Variants in FOXP1 observed in about 807,000 individuals in gnomAD.
FOXP1 encodes the protein forkhead box P1.
A neutral mutation model predicts 98.2 loss-of-function variants in FOXP1; 15 were observed. That is an observed-to-expected ratio of 0.15 (90% CI 0.10 to 0.24). The LOEUF (loss-of-function observed/expected upper bound fraction) is 0.24, where lower values mean the gene tolerates loss of function less well. Ranked by LOEUF, FOXP1 falls within the 10% of genes least tolerant of loss-of-function variation. The pLI is 1.00. For missense variants in FOXP1, 633 were observed against 848.5 expected, an observed-to-expected ratio of 0.75 and a Z score of 3.15; for synonymous variants, 371 against 314.5, an observed-to-expected ratio of 1.18 and a Z score of -1.90.
At position 70,966,001 on chromosome 3, in the gene FOXP1, G is replaced by C; in HGVS notation, c.1778C>G (p.Pro593Arg). ...TGCGCTGGCTAAGTTGCCCAGAGTGGGATTTCCCATGGAAGCGGTAGTGTA... is the reference window on the plus strand; with the variant it reads ...TGCGCTGGCTAAGTTGCCCAGAGTGCGATTTCCCATGGAAGCGGTAGTGTA... ...PLYTTASMGN[P>R]TLGNLASAIR... The change falls in exon 20 of 21, where the codon CCC becomes CGC. Residue 593 changes from proline to arginine, a missense_variant. Pro to Arg is a moderately radical substitution (Grantham distance 103). Around this residue, in one of 6 missense-constraint regions of FOXP1, gnomAD observed 150 missense variants for 163.7 expected, o/e 0.92. Coordinates refer to ENST00000649528, the MANE Select transcript of FOXP1 (RefSeq NM_001349338.3). 3 of 1,614,100 alleles carry C rather than the reference G, an allele frequency of 1.9e-6. No homozygotes were observed. Among genetic ancestry groups the C allele is most frequent in the Non-Finnish European group, 2.5e-6 (3 of 1,180,010 alleles).
intron 3 of FOXP1, chr3:71,360,606 A>G (rs1242954356): frequency 1.3e-5 from 2 of 152,118 alleles, no homozygotes; most frequent in Admixed American, 6.6e-5. Flanking sequence ...TTCTGCATAG[A>G]TCCTTGAGAT....
chr3:71,168,223 T>G (rs553606259), intron 6 of FOXP1, among the ~76,000 whole-genome samples: 8 of 152,240 alleles, frequency 5.3e-5, no homozygotes, highest in African/African-American at 1.9e-4. Flanking sequence ...CCACATACAG[T>G]TTATTATAGA....
chr3:71,173,617 TG>T (rs975215978), intron 6 of FOXP1, among the ~76,000 whole-genome samples: 2 of 151,766 alleles, frequency 1.3e-5, no homozygotes, highest in African/African-American at 2.4e-5. Context: ...AAAGTGAGGG[TG>T]GGGGTGTGGG....
chr3:71,265,242 G>A (rs188081064), intron 5 of FOXP1, among the ~76,000 whole-genome samples: 15 of 152,268 alleles, frequency 9.9e-5, no homozygotes, highest in South Asian at 2.1e-4. Flanking sequence ...ACTGAGCCCC[G>A]TGTTAGCGTT....
intron 7 of FOXP1, among the ~76,000 whole-genome samples, chr3:71,105,621 T>G (rs1228894191): frequency 6.6e-6 from 1 of 152,168 alleles, no homozygotes; most frequent in African/African-American, 2.4e-5. Flanking sequence ...CCTCTCCACC[T>G]CCTAGCCCCA....
In FOXP1 at chr3:71,583,681, C is replaced by G. The variant is rs1039579270; in HGVS notation, c.-557G>C. The G allele has an allele frequency of 6.1e-6, 6 of 984,514 alleles. No individual in the cohort carries two copies. The highest frequency in any genetic ancestry group is 4.7e-5 in the South Asian group (1 of 21,262). The allele number at this position is 984,514 out of a possible 1,614,324, so 61.0% of individuals were successfully genotyped here. A position where few individuals can be genotyped will look rare whatever the true frequency, so the allele number is the denominator to read the frequency against. Reference sequence around the variant, plus strand: ...GCGCACACACTCACTCGCGCACACACGCGCGCACACACGCACTCCCGGGCG... The same window carrying G: ...GCGCACACACTCACTCGCGCACACAGGCGCGCACACACGCACTCCCGGGCG... On this transcript the variant is annotated 5_prime_UTR_variant, in exon 1 of 21. Coordinates refer to ENST00000649528, the MANE Select transcript of FOXP1 (RefSeq NM_001349338.3).
chr3:71,116,244 A>G (rs1575793938), intron 6 of FOXP1, among the ~76,000 whole-genome samples: 2 of 152,142 alleles, frequency 1.3e-5, no homozygotes, highest in African/African-American at 4.8e-5. Context: ...CAGACCCAAC[A>G]TAGGGTACAT....
At chr3:70,978,768 A>AAC (rs1459298301) in intron 14 of FOXP1, among the ~76,000 whole-genome samples, 1 of 152,186 alleles carries the variant, frequency 6.6e-6, no homozygotes, top group African/African-American at 2.4e-5. Context: ...AATAATCCTT[A>AAC]ACAGCATTAT....
At chr3:71,545,579 A>C (rs1482069684) in intron 2 of FOXP1, among the ~76,000 whole-genome samples, 1 of 152,192 alleles carries the variant, frequency 6.6e-6, no homozygotes, top group Non-Finnish European at 1.5e-5. Context: ...CTAGAACATT[A>C]TATGCTCCTT....
intron 5 of FOXP1, among the ~76,000 whole-genome samples, chr3:71,223,693 CAAAAAAAAAAA>C (rs34686001): frequency 1.2e-4 from 11 of 90,122 alleles, no homozygotes; most frequent in African/African-American, 3.9e-4. Context: ...GACTACGTCT[CAAAAAAAAAAA>C]AAAAAAAAGA....
chr3:70,980,371 G>C (rs771851693), intron 14 of FOXP1, among the ~76,000 whole-genome samples: 1 of 152,154 alleles, frequency 6.6e-6, no homozygotes, highest in Non-Finnish European at 1.5e-5. Flanking sequence ...ATCTCAGAGC[G>C]CTTTGGAAAG....
chr3:71,033,702 A>ACC (rs1174856341), intron 11 of FOXP1, among the ~76,000 whole-genome samples: 3 of 151,972 alleles, frequency 2.0e-5, no homozygotes, highest in African/African-American at 4.8e-5. Flanking sequence ...TGCATGTGTG[A>ACC]ATGACAGGCG....
At chr3:70,960,374 G>A (rs774481989) in intron 20 of FOXP1, among the ~76,000 whole-genome samples, 3 of 152,136 alleles carry the variant, frequency 2.0e-5, no homozygotes, top group East Asian at 1.9e-4. Context: ...GCGTGGTTGC[G>A]ATGAGGTCTG....
At chr3:71,492,348 A>T (rs55863231) in intron 3 of FOXP1, among the ~76,000 whole-genome samples, 40,390 of 151,582 alleles carry the variant, frequency 0.27, 5,823 homozygotes, top group Non-Finnish European at 0.33. Context: ...GCTACTTGGG[A>T]GGCCGAGGCA....
In FOXP1 at chr3:70,965,721, T is replaced by C. The variant is rs143122712; in HGVS notation, c.1889+169A>G. Among the ~76,000 whole-genome samples the C allele has an allele frequency of 4.1e-3, 618 of 152,336 alleles. 3 individuals are homozygous for C. The highest frequency in any genetic ancestry group is 0.01 in the Middle Eastern group (3 of 294). On this transcript the variant is annotated intron_variant, in intron 20 of 20. Coordinates refer to ENST00000649528, the MANE Select transcript of FOXP1 (RefSeq NM_001349338.3). ...GGAAAGTTAGCAAATAGTCCTTTTA[T>C]GCACTAACCAAGCTGAACATTTCTT...
chr3:71,283,869 C>T (rs1371779202), intron 5 of FOXP1, among the ~76,000 whole-genome samples: 1 of 152,072 alleles, frequency 6.6e-6, no homozygotes, highest in East Asian at 1.9e-4. Context: ...CATATTAGTC[C>T]TGGTACAAGG....
At chr3:71,113,196 T>C (rs2058081536) in intron 6 of FOXP1, among the ~76,000 whole-genome samples, 1 of 152,198 alleles carries the variant, frequency 6.6e-6, no homozygotes, top group Non-Finnish European at 1.5e-5. Flanking sequence ...TAGGATGACC[T>C]TGATAGAAAT....
intron 5 of FOXP1, among the ~76,000 whole-genome samples, chr3:71,288,744 G>T (rs1231466803): frequency 6.6e-6 from 1 of 151,874 alleles, no homozygotes; most frequent in African/African-American, 2.4e-5. Flanking sequence ...TCACAAAAAT[G>T]AGTGCAAGGG....
chr3:71,303,707 G>A (rs998494943), intron 4 of FOXP1, among the ~76,000 whole-genome samples: 6 of 151,442 alleles, frequency 4.0e-5, no homozygotes, highest in Non-Finnish European at 7.4e-5. Flanking sequence ...ATGCCCTTAA[G>A]ACTTCAAATA....
Sources: gnomAD v4.1 joint callset for allele counts (sites outside exome capture counted in the v4.1 genomes callset) on GRCh38, gnomAD v4.1.1 for gene constraint, gnomAD v4.1.1 regional missense constraint, MANE v1.5 for transcripts, NCBI Gene and HGNC (gene_info 2026-07-23, HGNC 2026-07-21) for gene names.